Variants in PPM1H observed in about 807,000 individuals in gnomAD.
The protein encoded by PPM1H is protein phosphatase, Mg2+/Mn2+ dependent 1H.
A neutral mutation model predicts 54.9 loss-of-function variants in PPM1H; 27 were observed. The observed-to-expected ratio is 0.49, with a 90% CI of 0.36 to 0.68. PPM1H has a LOEUF of 0.68. Ranked by LOEUF, PPM1H falls within the 30% of genes least tolerant of loss-of-function variation. PPM1H has a pLI of 0.00. For synonymous variants in PPM1H, 305 were observed against 270.8 expected (o/e 1.13, Z -1.24); for missense variants, 596 against 667.8 (o/e 0.89, Z 1.19).
chr12:62,865,609 G>A (rs1173177931), intron 1 of PPM1H, among the ~76,000 whole-genome samples: 3 of 152,148 alleles, frequency 2.0e-5, no homozygotes, highest in Non-Finnish European at 4.4e-5. Flanking sequence ...CTATTCTCAT[G>A]TCTCAGCCTC....
chr12:62,743,841 T>C (rs2076395457), intron 4 of PPM1H, among the ~76,000 whole-genome samples: 2 of 152,052 alleles, frequency 1.3e-5, no homozygotes, highest in Non-Finnish European at 2.9e-5. Flanking sequence ...GTAAAAGCAA[T>C]ATATAATTCT....
At chr12:62,881,729 T>G (rs1870401544) in intron 1 of PPM1H, among the ~76,000 whole-genome samples, 1 of 152,226 alleles carries the variant, frequency 6.6e-6, no homozygotes, top group Non-Finnish European at 1.5e-5. Flanking sequence ...TCAAATCAAG[T>G]TGATTCCATC....
chr12:62,877,095 C>G (rs17822974), intron 1 of PPM1H, among the ~76,000 whole-genome samples: 1 of 152,152 alleles, frequency 6.6e-6, no homozygotes, highest in East Asian at 1.9e-4. Context: ...ACCTAGGGTA[C>G]GCATATTTTG....
chr12:62,832,937 C>A (rs1198178330), intron 1 of PPM1H, among the ~76,000 whole-genome samples: 27 of 152,120 alleles, frequency 1.8e-4, no homozygotes, highest in Admixed American at 1.8e-3. Flanking sequence ...AATAATAAGG[C>A]ATGTTGACAC....
chr12:62,745,940 C>T (rs1345661945), intron 4 of PPM1H, among the ~76,000 whole-genome samples: 1 of 152,172 alleles, frequency 6.6e-6, no homozygotes, highest in Non-Finnish European at 1.5e-5. Context: ...CACCTATAAT[C>T]CCAGCACTTG....
intron 9 of PPM1H, 119 bp downstream of exon 9, chr12:62,667,059 C>T: frequency 1.7e-6 from 2 of 1,163,902 alleles, no homozygotes; most frequent in South Asian, 3.4e-5. Context: ...AGTTTGGTTA[C>T]TGTACCGTCC....
At chr12:62,896,899 A>G (rs1169435363) in intron 1 of PPM1H, among the ~76,000 whole-genome samples, 1 of 152,120 alleles carries the variant, frequency 6.6e-6, no homozygotes, top group Admixed American at 6.5e-5. Context: ...GCACACATAC[A>G]CTATGGAATA....
At chr12:62,743,589 C>T (rs372494581) in intron 4 of PPM1H, among the ~76,000 whole-genome samples, 4 of 151,900 alleles carry the variant, frequency 2.6e-5, no homozygotes, top group African/African-American at 7.3e-5. Flanking sequence ...ATGGTCACTT[C>T]GAATATTAAC....
intron 2 of PPM1H, among the ~76,000 whole-genome samples, chr12:62,810,471 C>T (rs1266010758): frequency 1.3e-5 from 2 of 152,218 alleles, no homozygotes; most frequent in African/African-American, 2.4e-5. Flanking sequence ...GTCTCCCTCT[C>T]TCTCTCAATC....
intron 3 of PPM1H, among the ~76,000 whole-genome samples, chr12:62,797,438 C>G (rs1484262454): frequency 6.6e-6 from 1 of 152,032 alleles, no homozygotes; most frequent in African/African-American, 2.4e-5. Flanking sequence ...GCACAAAACC[C>G]GCAATACCTA....
intron 6 of PPM1H, among the ~76,000 whole-genome samples, chr12:62,697,436 C>A (rs993396322): frequency 6.6e-6 from 1 of 152,126 alleles, no homozygotes; most frequent in African/African-American, 2.4e-5. Flanking sequence ...GCCATCTCGC[C>A]AGCAATGAGT....
intron 4 of PPM1H, among the ~76,000 whole-genome samples, chr12:62,747,072 C>T (rs2076416530): frequency 6.6e-6 from 1 of 152,204 alleles, no homozygotes; most frequent in Admixed American, 6.5e-5. Flanking sequence ...CCACCTCAGC[C>T]TCCTGAGTAG....
intron 8 of PPM1H, among the ~76,000 whole-genome samples, chr12:62,681,935 G>GT (rs1437546063): frequency 1.3e-5 from 2 of 152,154 alleles, no homozygotes; most frequent in African/African-American, 2.4e-5. Flanking sequence ...ATGTCATTCA[G>GT]TTTTTTCCTT....
At chr12:62,675,939 A>T (rs1461769458) in intron 8 of PPM1H, among the ~76,000 whole-genome samples, 2 of 152,240 alleles carry the variant, frequency 1.3e-5, no homozygotes, top group African/African-American at 2.4e-5. Flanking sequence ...TTGTTCTGGT[A>T]GCAAGAAGCC....
chr12:62,826,466 C>T (rs1247566627), intron 2 of PPM1H, among the ~76,000 whole-genome samples: 1 of 152,026 alleles, frequency 6.6e-6, no homozygotes, highest in African/African-American at 2.4e-5. Context: ...GAAGTCATCT[C>T]GTTGCTACCC....
chr12:62,706,535 C>A (rs962550527), intron 6 of PPM1H, among the ~76,000 whole-genome samples: 1 of 152,184 alleles, frequency 6.6e-6, no homozygotes, highest in Non-Finnish European at 1.5e-5. Flanking sequence ...TCTTTTTGTT[C>A]CAGGCACTAA....
chr12:62,745,127 C>G (rs1470105288), intron 4 of PPM1H, among the ~76,000 whole-genome samples: 1 of 152,106 alleles, frequency 6.6e-6, no homozygotes, highest in Non-Finnish European at 1.5e-5. Context: ...AGCTTGATAA[C>G]ATATAATTAT....
At chr12:62,795,805 C>A (rs560792548) in intron 3 of PPM1H, among the ~76,000 whole-genome samples, 3 of 151,946 alleles carry the variant, frequency 2.0e-5, no homozygotes, top group Non-Finnish European at 2.9e-5. Flanking sequence ...CGGCTCACTG[C>A]GACCTCTGCC....
At position 62,766,737 on chromosome 12, in the gene PPM1H, A is replaced by G. The variant is rs75078494; in HGVS notation, c.869+21489T>C. 5.3e-3 allele frequency among the ~76,000 whole-genome samples: 811 copies of G among 152,322 alleles called. 7 individuals are homozygous for G. The highest frequency in any genetic ancestry group is 0.018 in the African/African-American group (763 of 41,574). On this transcript the variant is annotated intron_variant, in intron 4 of 9. Coordinates refer to ENST00000228705, the MANE Select transcript of PPM1H (RefSeq NM_020700.2). ...ACATTTCACACAGCTGTTTCTTGCA[A>G]TCTTCTCCAGTGGAGGCACATGGCA...
Sources: allele counts gnomAD v4.1 joint callset (sites outside exome capture counted in the v4.1 genomes callset), GRCh38; gene constraint gnomAD v4.1.1; transcripts MANE v1.5; gene names NCBI Gene and HGNC (gene_info 2026-07-23, HGNC 2026-07-21).